PLCE1: variants seen among roughly 807,000 people sequenced by gnomAD.
PLCE1 encodes 1-phosphatidylinositol 4,5-bisphosphate phosphodiesterase epsilon-1.
PLCE1 carries 119 observed loss-of-function variants against 242.8 expected under a neutral mutation model. The observed-to-expected ratio is 0.49, with a 90% CI of 0.42 to 0.57. PLCE1 has a LOEUF of 0.57. PLCE1 is among the 20% of genes least tolerant of loss of function. The pLI is 0.00. For synonymous variants in PLCE1, 945 were observed against 1,017.4 expected, an observed-to-expected ratio of 0.93 and a Z score of 1.35; for missense variants, 2,441 against 2,788.8, an observed-to-expected ratio of 0.88 and a Z score of 2.81.
chr10:94,003,826 C>T (rs2060981489), intron 1 of PLCE1, among the ~76,000 whole-genome samples: 2 of 152,076 alleles, frequency 1.3e-5, no homozygotes, highest in Non-Finnish European at 2.9e-5. Context: ...AATGGCCTTC[C>T]TGTGAGATGA....
intron 21 of PLCE1, among the ~76,000 whole-genome samples, chr10:94,284,583 T>C (rs2052369496): frequency 6.6e-6 from 1 of 152,214 alleles, no homozygotes; most frequent in South Asian, 2.1e-4. Context: ...CAATCCTCTA[T>C]TTATTTAACA....
chr10:94,266,449 C>G (rs190133542), intron 16 of PLCE1, among the ~76,000 whole-genome samples: 1 of 151,622 alleles, frequency 6.6e-6, no homozygotes, highest in Non-Finnish European at 1.5e-5. Flanking sequence ...AGAAAAAAAT[C>G]TACACAGACT....
At position 94,132,195 on chromosome 10, in the gene PLCE1, G is replaced by A. The variant is rs145451189; in HGVS notation, c.1228G>A (p.Glu410Lys). Residue 410 changes from glutamate to lysine, a missense_variant, in exon 3 of 33, where the codon GAA becomes AAA. Transcript: ENST00000371380. ...WYPIYNAVRR[E>K]ETENTVGSLL... The stretch of plus-strand genomic sequence containing the variant: ...ACAGATCTACAATGCAGTGAGAAGA[G>A]AAGAAACAGAAAATACAGTTGGATC... 484 of 1,614,134 alleles carry A rather than the reference G, an allele frequency of 3.0e-4. 1 individual carries two copies. The East Asian group carries it at 0.011, about 36-fold the overall frequency.
intron 22 of PLCE1, among the ~76,000 whole-genome samples, 190 bp from the exon 23 acceptor site, chr10:94,293,318 A>G (rs2052702470): frequency 6.6e-6 from 1 of 152,204 alleles, no homozygotes. Context: ...ATTTGCCTAT[A>G]GAGATTTTTA....
At chr10:94,281,411 G>A (rs899653811) in intron 20 of PLCE1, among the ~76,000 whole-genome samples, 1 of 152,104 alleles carries the variant, frequency 6.6e-6, no homozygotes, top group African/African-American at 2.4e-5. Flanking sequence ...ATTATAGATG[G>A]TTTTGATTTG....
chr10:94,147,591 A>G (rs989275834), intron 3 of PLCE1, among the ~76,000 whole-genome samples: 1 of 152,190 alleles, frequency 6.6e-6, no homozygotes, highest in South Asian at 2.1e-4. Context: ...TAGGCACTAT[A>G]TTGTGACAGC....
At chr10:94,118,281 C>G (rs1009531774) in intron 2 of PLCE1, among the ~76,000 whole-genome samples, 2 of 151,906 alleles carry the variant, frequency 1.3e-5, no homozygotes, top group Non-Finnish European at 2.9e-5. Context: ...TCTTTCTTAT[C>G]TGACTATAGG....
chr10:94,284,269 G>A (rs2052355274), intron 21 of PLCE1, among the ~76,000 whole-genome samples: 1 of 152,188 alleles, frequency 6.6e-6, no homozygotes, highest in Admixed American at 6.5e-5. Context: ...GGAAGATGAG[G>A]TTTCAGAAGG....
At chr10:94,048,754 T>G in intron 2 of PLCE1, among the ~76,000 whole-genome samples, 1 of 148,236 alleles carries the variant, frequency 6.7e-6, no homozygotes. Flanking sequence ...CACACATATA[T>G]ATAGAGAGAG....
At chr10:94,057,182 G>A (rs1176227548) in intron 2 of PLCE1, among the ~76,000 whole-genome samples, 1 of 152,080 alleles carries the variant, frequency 6.6e-6, no homozygotes, top group Non-Finnish European at 1.5e-5. Flanking sequence ...GAATAGAAAT[G>A]CTGGGTCATT....
intron 2 of PLCE1, among the ~76,000 whole-genome samples, chr10:94,043,981 G>A (rs879238147): frequency 6.6e-6 from 1 of 152,148 alleles, no homozygotes; most frequent in Non-Finnish European, 1.5e-5. Flanking sequence ...ATTGATCACA[G>A]CATAAAGGAA....
chr10:94,160,319 TATGAG>T (rs2136205901), intron 3 of PLCE1, among the ~76,000 whole-genome samples: 1 of 152,314 alleles, frequency 6.6e-6, no homozygotes, highest in East Asian at 1.9e-4. Context: ...TTCTAACTGG[TATGAG>T]ATGGTATCTC....
intron 1 of PLCE1, among the ~76,000 whole-genome samples, chr10:93,995,662 T>C: frequency 6.6e-6 from 1 of 152,248 alleles, no homozygotes. Context: ...GAATGTATAA[T>C]GTTTACCATT....
intron 29 of PLCE1, among the ~76,000 whole-genome samples, chr10:94,317,111 C>T (rs1006872336): frequency 5.9e-5 from 9 of 152,114 alleles, no homozygotes; most frequent in African/African-American, 2.2e-4. Context: ...ATTAGCCAGG[C>T]GTGGTGGCAG....
In PLCE1 at chr10:94,242,431, G is replaced by A. The variant is rs191910743; in HGVS notation, c.2421-3515G>A. On this transcript the variant is annotated intron_variant, in intron 7 of 32. Transcript: ENST00000371380. ...GTTCAAGCAATTCTTGTGACTCAGC[G>A]TCCCAGGTAGCTGGGACTACAGGTG... Among the ~76,000 whole-genome samples the A allele has an allele frequency of 5.9e-5, 9 of 152,102 alleles. No individual in the cohort carries two copies. In the East Asian group the frequency reaches 9.7e-4, roughly 16 times the overall value.
chr10:94,323,635 G>A (rs1314548243), intron 30 of PLCE1, among the ~76,000 whole-genome samples: 2 of 152,162 alleles, frequency 1.3e-5, no homozygotes, highest in East Asian at 3.8e-4. Context: ...TTAATACAAT[G>A]CCTAGCAAAT....
At chr10:94,008,465 C>T (rs1348367645) in intron 1 of PLCE1, among the ~76,000 whole-genome samples, 4 of 152,030 alleles carry the variant, frequency 2.6e-5, no homozygotes, top group African/African-American at 9.7e-5. Flanking sequence ...CGTGCTACCA[C>T]ACCCGGCTAA....
intron 4 of PLCE1, among the ~76,000 whole-genome samples, chr10:94,201,167 T>C (rs1564783678): frequency 1.3e-5 from 2 of 152,316 alleles, no homozygotes; most frequent in Admixed American, 6.5e-5. Flanking sequence ...GGGACTTGGG[T>C]GCCAGGATTA....
At chr10:94,046,135 CT>C (rs1272838305) in intron 2 of PLCE1, among the ~76,000 whole-genome samples, 1 of 152,120 alleles carries the variant, frequency 6.6e-6, no homozygotes. Flanking sequence ...CAGAGATGCC[CT>C]TTTAATTTGG....
Sources: allele counts gnomAD v4.1 joint callset (sites outside exome capture counted in the v4.1 genomes callset), GRCh38; gene constraint gnomAD v4.1.1; transcripts MANE v1.5; gene names NCBI Gene and HGNC (gene_info 2026-07-23, HGNC 2026-07-21).